Variants in DNM3 observed in about 807,000 individuals in gnomAD.
The protein encoded by DNM3 is dynamin 3, also known as dynamin-3.
A neutral mutation model predicts 101.6 loss-of-function variants in DNM3; 47 were observed. The observed-to-expected ratio is 0.46, with a 90% CI of 0.37 to 0.59. The LOEUF (loss-of-function observed/expected upper bound fraction) is 0.59. DNM3 is among the 20% of genes least tolerant of loss of function. DNM3 has a pLI of 0.00. For missense variants in DNM3, 849 were observed against 1,085.7 expected (o/e 0.78, Z 3.06); for synonymous variants, 385 against 387.9 (o/e 0.99, Z 0.09).
At chr1:171,988,198 G>C (rs1291338366) in intron 3 of DNM3, among the ~76,000 whole-genome samples, 1 of 152,050 alleles carries the variant, frequency 6.6e-6, no homozygotes, top group South Asian at 2.1e-4. Context: ...TGAGAAATCA[G>C]CTCTGACTTT....
At chr1:172,225,134 C>CTTTTTTTTTTTTTTTTT (rs1168334078) in intron 14 of DNM3, among the ~76,000 whole-genome samples, 9 of 65,528 alleles carry the variant, frequency 1.4e-4, no homozygotes, top group Middle Eastern at 0.014. Context: ...TCTTCTTCCT[C>CTTTTTTTTTTTTTTTTT]TTTTTTTTTT....
At chr1:172,227,050 TC>T (rs1405965828) in intron 14 of DNM3, among the ~76,000 whole-genome samples, 2 of 151,298 alleles carry the variant, frequency 1.3e-5, no homozygotes, top group Non-Finnish European at 2.9e-5. Context: ...CATTCCTCAC[TC>T]CCCTCCCACT....
chr1:172,292,167 G>A (rs1243631688), intron 15 of DNM3, among the ~76,000 whole-genome samples: 1 of 151,938 alleles, frequency 6.6e-6, no homozygotes, highest in African/African-American at 2.4e-5. Context: ...CTTATCTTTG[G>A]CATTGTGTTA....
chr1:171,849,732 GTTT>G (rs2124986694), intron 1 of DNM3, among the ~76,000 whole-genome samples: 1 of 152,016 alleles, frequency 6.6e-6, no homozygotes, highest in South Asian at 2.1e-4. Context: ...TTCCAAAGCA[GTTT>G]TTATCATTTC....
intron 14 of DNM3, among the ~76,000 whole-genome samples, chr1:172,224,535 G>C (rs1348494228): frequency 6.6e-6 from 1 of 151,648 alleles, no homozygotes; most frequent in African/African-American, 2.4e-5. Flanking sequence ...CCCGAGGGAA[G>C]CAAAAAAAAA....
intron 17 of DNM3, among the ~76,000 whole-genome samples, chr1:172,354,110 TGTGAGA>T (rs2067321026): frequency 1.9e-5 from 1 of 52,512 alleles, no homozygotes; most frequent in African/African-American, 6.5e-5. Context: ...TGTGTGTGTG[TGTGAGA>T]GAGAGAGAGA....
At chr1:172,134,328 A>G (rs1189089039) in intron 14 of DNM3, among the ~76,000 whole-genome samples, 1 of 152,200 alleles carries the variant, frequency 6.6e-6, no homozygotes, top group Non-Finnish European at 1.5e-5. Context: ...TTAAGCAGGT[A>G]TAATGACTAG....
intron 14 of DNM3, among the ~76,000 whole-genome samples, chr1:172,199,853 T>G (rs1348189735): frequency 6.6e-6 from 1 of 152,136 alleles, no homozygotes; most frequent in Non-Finnish European, 1.5e-5. Context: ...CTTGCTTTTT[T>G]ATCCACTTTG....
Position 172,068,827 on chromosome 1 carries a change from C to A in DNM3, c.1344C>A (p.Asn448Lys). Reference sequence around the variant, plus strand: ...TCTGCTTTTCTTGACAGCTGGCAAACTTCCCCAGACTCTGCGAGGAAACGG... The same window carrying A: ...TCTGCTTTTCTTGACAGCTGGCAAAATTCCCCAGACTCTGCGAGGAAACGG... ...TVKKCTKKLA[N>K]FPRLCEETER... The change falls in exon 11 of 21, where the codon AAC becomes AAA. Residue 448 changes from asparagine to lysine, a missense_variant. This residue lies in a region of DNM3 where 193 missense variants were observed against 238.4 expected (regional missense o/e 0.81). Coordinates refer to ENST00000627582, the MANE Select transcript of DNM3 (RefSeq NM_015569.5). 6.4e-7 allele frequency: 1 copy of A among 1,570,136 alleles called. No individual in the cohort carries two copies. Among genetic ancestry groups the A allele is most frequent in the Admixed American group, 1.9e-5 (1 of 53,424 alleles).
At chr1:172,133,357 C>A in intron 14 of DNM3, 1 of 994,982 alleles carries the variant, frequency 1.0e-6, no homozygotes, top group South Asian at 4.6e-5. Context: ...TTGATTACAA[C>A]AAATGGAAAA....
At chr1:172,322,409 C>G (rs771692161) in intron 16 of DNM3, among the ~76,000 whole-genome samples, 1 of 152,232 alleles carries the variant, frequency 6.6e-6, no homozygotes, top group Non-Finnish European at 1.5e-5. Flanking sequence ...CCCACAGGAT[C>G]TGACCTTGTG....
chr1:171,855,941 C>T (rs548095296), intron 1 of DNM3, among the ~76,000 whole-genome samples: 1 of 152,242 alleles, frequency 6.6e-6, no homozygotes, highest in African/African-American at 2.4e-5. Flanking sequence ...GAAGTCTGCC[C>T]ATTCCTACGT....
At chr1:172,222,477 G>A (rs1486182516) in intron 14 of DNM3, among the ~76,000 whole-genome samples, 3 of 152,168 alleles carry the variant, frequency 2.0e-5, no homozygotes, top group Non-Finnish European at 4.4e-5. Flanking sequence ...ATCAAGGAAG[G>A]TGATTATAGA....
At chr1:171,997,570 C>A (rs896292161) in intron 4 of DNM3, among the ~76,000 whole-genome samples, 7 of 152,206 alleles carry the variant, frequency 4.6e-5, no homozygotes, top group Admixed American at 4.6e-4. Context: ...TTTATTGGCA[C>A]CCCAGATGGG....
At chr1:172,273,035 A>T (rs2148755129) in intron 15 of DNM3, among the ~76,000 whole-genome samples, 1 of 152,192 alleles carries the variant, frequency 6.6e-6, no homozygotes, top group East Asian at 1.9e-4. Flanking sequence ...ATTCATCTCA[A>T]AATGAGGCTG....
At chr1:172,393,562 A>G (rs952601768) in intron 20 of DNM3, 3 of 152,390 alleles carry the variant, frequency 2.0e-5, no homozygotes, top group Non-Finnish European at 4.4e-5. Context: ...GCAGTCATGT[A>G]CTGAAAACCT....
intron 4 of DNM3, among the ~76,000 whole-genome samples, chr1:172,020,303 A>G (rs958147397): frequency 1.3e-5 from 2 of 151,962 alleles, no homozygotes; most frequent in African/African-American, 2.4e-5. Context: ...TTCTTCCCCT[A>G]TATAGAAGGC....
intron 17 of DNM3, among the ~76,000 whole-genome samples, chr1:172,334,258 A>C (rs950621781): frequency 1.3e-5 from 2 of 152,218 alleles, no homozygotes; most frequent in Admixed American, 1.3e-4. Context: ...GCCATCATAA[A>C]TTGGAGACTG....
intron 14 of DNM3, among the ~76,000 whole-genome samples, chr1:172,231,529 CA>C (rs1411227330): frequency 2.0e-5 from 3 of 152,146 alleles, no homozygotes; most frequent in African/African-American, 7.2e-5. Context: ...TTCTAAAAAT[CA>C]GAGCACCTCT....
Sources: gnomAD v4.1 joint callset for allele counts (sites outside exome capture counted in the v4.1 genomes callset) on GRCh38, gnomAD v4.1.1 for gene constraint, gnomAD v4.1.1 regional missense constraint, MANE v1.5 for transcripts, NCBI Gene and HGNC (gene_info 2026-07-23, HGNC 2026-07-21) for gene names.